Variants in SH3RF1 observed in about 807,000 individuals in gnomAD.
SH3RF1 encodes the protein SH3 domain containing ring finger 1.
In SH3RF1, 32 loss-of-function variants were observed where a neutral mutation model predicts 74.0. The observed-to-expected ratio is 0.43, with a 90% CI of 0.33 to 0.58. SH3RF1 has a LOEUF of 0.58. SH3RF1 is among the 20% of genes least tolerant of loss of function. The pLI, the probability that SH3RF1 is intolerant of heterozygous loss-of-function variation, is 0.05. For synonymous variants in SH3RF1, 396 were observed against 439.6 expected (o/e 0.90, Z 1.24); for missense variants, 954 against 1,130.9 (o/e 0.84, Z 2.24).
chr4:169,112,171 C>T (rs1001878970), intron 10 of SH3RF1, among the ~76,000 whole-genome samples: 4 of 152,070 alleles, frequency 2.6e-5, no homozygotes, highest in Non-Finnish European at 4.4e-5. Flanking sequence ...CACAAAATGA[C>T]GAGGAAAGAT....
intron 2 of SH3RF1, among the ~76,000 whole-genome samples, chr4:169,219,066 C>T (rs1299157658): frequency 1.3e-5 from 2 of 152,148 alleles, no homozygotes; most frequent in East Asian, 3.9e-4. Flanking sequence ...CCCTTTCTTA[C>T]ATAACAGAGA....
rs186631377 is a variant in SH3RF1, at chr4:169,269,771, T to A, written c.-95-464A>T. The stretch of plus-strand genomic sequence containing the variant: ...TTAGCGTTTAAGAAACCATGCCTCA[T>A]GTAATCGCTCGTGGTAAATGATCCC... On this transcript the variant is annotated intron_variant, in intron 1 of 11. Coordinates refer to ENST00000284637, the MANE Select transcript of SH3RF1 (RefSeq NM_020870.4). 333 of 152,576 alleles carry A rather than the reference T, an allele frequency of 2.2e-3. 1 individual carries two copies. The highest frequency in any genetic ancestry group is 4.0e-3 in the Non-Finnish European group (270 of 68,212). 9.5% of individuals were successfully genotyped at this position (152,576 alleles called of 1,614,324 possible).
intron 1 of SH3RF1, among the ~76,000 whole-genome samples, chr4:169,270,352 G>C (rs1167042414): frequency 2.0e-5 from 3 of 152,082 alleles, no homozygotes; most frequent in Non-Finnish European, 4.4e-5. Context: ...AGCCGGTCGC[G>C]GCCTGGGGCT....
chr4:169,163,296 C>T (rs917247778), intron 2 of SH3RF1, among the ~76,000 whole-genome samples: 2 of 151,302 alleles, frequency 1.3e-5, no homozygotes, highest in Non-Finnish European at 2.9e-5. Context: ...TGCTATTAGA[C>T]TCTTCATTAA....
chr4:169,116,224 G>A, intron 10 of SH3RF1, 45 bp downstream of exon 10: 1 of 1,539,776 alleles, frequency 6.5e-7, no homozygotes, highest in East Asian at 2.3e-5. Context: ...AAGAAAAACA[G>A]GGAAGTAAGT....
intron 2 of SH3RF1, among the ~76,000 whole-genome samples, chr4:169,239,742 C>A (rs979366614): frequency 1.3e-5 from 2 of 152,122 alleles, no homozygotes; most frequent in African/African-American, 2.4e-5. Flanking sequence ...TAAGATCGGC[C>A]GAGTGCAGTG....
intron 4 of SH3RF1, among the ~76,000 whole-genome samples, chr4:169,146,566 T>C (rs1017223308): frequency 5.9e-5 from 9 of 152,152 alleles, no homozygotes; most frequent in Middle Eastern, 3.4e-3. Context: ...GTAGATGTTA[T>C]TGAGAGGACA....
chr4:169,129,270 A>C (rs1477268182), intron 6 of SH3RF1, among the ~76,000 whole-genome samples: 1 of 152,246 alleles, frequency 6.6e-6, no homozygotes, highest in Non-Finnish European at 1.5e-5. Flanking sequence ...CCTGGATGAG[A>C]GATGTCTCAC....
intron 2 of SH3RF1, among the ~76,000 whole-genome samples, chr4:169,209,106 T>C (rs1487409779): frequency 3.9e-5 from 6 of 151,990 alleles, no homozygotes; most frequent in Admixed American, 2.6e-4. Flanking sequence ...CTGGCCAACA[T>C]GGTGAAACCC....
At chr4:169,244,547 A>G (rs1730962709) in intron 2 of SH3RF1, among the ~76,000 whole-genome samples, 1 of 152,178 alleles carries the variant, frequency 6.6e-6, no homozygotes, top group Non-Finnish European at 1.5e-5. Context: ...ATTCTCCTAC[A>G]ACGTAAGTTA....
At chr4:169,228,232 A>T (rs561894541) in intron 2 of SH3RF1, among the ~76,000 whole-genome samples, 1 of 152,360 alleles carries the variant, frequency 6.6e-6, no homozygotes, top group African/African-American at 2.4e-5. Context: ...GACCATCTAA[A>T]CACATTTCAG....
At chr4:169,116,177 T>C in intron 10 of SH3RF1, 92 bp downstream of exon 10, 1 of 1,512,638 alleles carries the variant, frequency 6.6e-7, no homozygotes, top group South Asian at 1.3e-5. Context: ...GAACAGTGAG[T>C]CCTCTCATTA....
intron 4 of SH3RF1, among the ~76,000 whole-genome samples, chr4:169,148,854 A>T (rs1733933201): frequency 6.6e-6 from 1 of 152,216 alleles, no homozygotes; most frequent in African/African-American, 2.4e-5. Context: ...AATATCCCTG[A>T]TGAGCTGTAA....
chr4:169,140,231 TAAC>T (rs1054382189), intron 4 of SH3RF1, among the ~76,000 whole-genome samples: 2 of 152,188 alleles, frequency 1.3e-5, no homozygotes, highest in Non-Finnish European at 2.9e-5. Context: ...CAACCTTTGG[TAAC>T]AATAGGAAAC....
chr4:169,224,495 T>G (rs1255267189), intron 2 of SH3RF1, among the ~76,000 whole-genome samples: 4 of 152,126 alleles, frequency 2.6e-5, no homozygotes, highest in African/African-American at 4.8e-5. Context: ...TTTTTGTATT[T>G]TTAGTAGAGA....
At chr4:169,143,345 T>C (rs1223458682) in intron 4 of SH3RF1, among the ~76,000 whole-genome samples, 1 of 152,200 alleles carries the variant, frequency 6.6e-6, no homozygotes, top group Non-Finnish European at 1.5e-5. Flanking sequence ...ACATTCTTTT[T>C]TTGTACTATG....
At chr4:169,214,618 C>G (rs988604187) in intron 2 of SH3RF1, among the ~76,000 whole-genome samples, 18 of 151,992 alleles carry the variant, frequency 1.2e-4, no homozygotes, top group Non-Finnish European at 1.2e-4. Flanking sequence ...TTGTAGTTTT[C>G]CTTGCACAGA....
At chr4:169,241,017 T>G (rs945596424) in intron 2 of SH3RF1, among the ~76,000 whole-genome samples, 6 of 152,010 alleles carry the variant, frequency 3.9e-5, no homozygotes, top group Admixed American at 3.9e-4. Flanking sequence ...GATCACGAGG[T>G]CAGGAGATCA....
At chr4:169,164,794 A>G (rs1399644956) in intron 2 of SH3RF1, among the ~76,000 whole-genome samples, 1 of 152,218 alleles carries the variant, frequency 6.6e-6, no homozygotes, top group Non-Finnish European at 1.5e-5. Context: ...ACTACAGCAA[A>G]TAAATATTTT....
Sources: allele counts gnomAD v4.1 joint callset (sites outside exome capture counted in the v4.1 genomes callset), GRCh38; gene constraint gnomAD v4.1.1; transcripts MANE v1.5; gene names NCBI Gene and HGNC (gene_info 2026-07-23, HGNC 2026-07-21).